RAP1GDS1: variants seen among roughly 807,000 people sequenced by gnomAD.
The protein encoded by RAP1GDS1 is RAP1, GTP-GDP dissociation stimulator 1.
Under a neutral mutation model 71.1 loss-of-function variants are expected in RAP1GDS1, and 35 were observed. The observed-to-expected ratio is 0.49, with a 90% CI of 0.38 to 0.65. RAP1GDS1 has a LOEUF of 0.65. Among genes scored for constraint, RAP1GDS1 ranks in the 30% least tolerant of loss-of-function variants. RAP1GDS1 has a pLI of 0.00. For missense variants in RAP1GDS1, 663 were observed against 706.1 expected, an observed-to-expected ratio of 0.94 and a Z score of 0.69; for synonymous variants, 229 against 243.1, an observed-to-expected ratio of 0.94 and a Z score of 0.54.
intron 2 of RAP1GDS1, among the ~76,000 whole-genome samples, chr4:98,325,722 T>C (rs1164018710): frequency 2.2e-5 from 3 of 136,696 alleles, no homozygotes; most frequent in Admixed American, 8.3e-5. Flanking sequence ...AATTGAACAA[T>C]GAGATCACAT....
intron 2 of RAP1GDS1, among the ~76,000 whole-genome samples, chr4:98,299,732 T>C (rs1197487855): frequency 1.3e-5 from 2 of 151,812 alleles, no homozygotes; most frequent in African/African-American, 2.4e-5. Context: ...CCTCCCAGGT[T>C]CAAGTGATTC....
chr4:98,332,733 T>C (rs941985387), intron 2 of RAP1GDS1, among the ~76,000 whole-genome samples: 6 of 152,328 alleles, frequency 3.9e-5, no homozygotes, highest in Non-Finnish European at 7.4e-5. Context: ...AGAAGATGGC[T>C]AAGAGATTTT....
At chr4:98,410,623 T>G (rs920256093) in intron 7 of RAP1GDS1, among the ~76,000 whole-genome samples, 22 of 152,060 alleles carry the variant, frequency 1.4e-4, no homozygotes, top group Non-Finnish European at 1.0e-4. Flanking sequence ...AACAGTAGAA[T>G]GAATAAATCA....
At chr4:98,412,671 A>G (rs981283297) in intron 7 of RAP1GDS1, among the ~76,000 whole-genome samples, 2 of 152,186 alleles carry the variant, frequency 1.3e-5, no homozygotes, top group African/African-American at 4.8e-5. Flanking sequence ...CCAGCCCCCA[A>G]TATTTCAATG....
In RAP1GDS1 at chr4:98,442,309, C is replaced by A; in HGVS notation, c.*192C>A. On this transcript the variant is annotated 3_prime_UTR_variant, in exon 15 of 15. Transcript: ENST00000408927. ...ATAGTTAGTGTGATCATGACTTTGT[C>A]AAAGGCAAGTCTCCACCCATAACCG... 1.4e-6 allele frequency: 1 copy of A among 705,724 alleles called. No homozygotes were observed. The highest frequency in any genetic ancestry group is 2.1e-6 in the Non-Finnish European group (1 of 471,072). 43.7% of individuals were successfully genotyped at this position (705,724 alleles called of 1,614,324 possible). A position where few individuals can be genotyped will look rare whatever the true frequency, so the allele number is the denominator to read the frequency against.
In RAP1GDS1 at chr4:98,330,984, C is replaced by A. The variant is rs181504847; in HGVS notation, c.113-12155C>A. ...GAGGTTGTAGCGAGCCGAGATCACG[C>A]CACTGCACTCCAGCCTGGGCAACAT... On this transcript the variant is annotated intron_variant, in intron 2 of 14. Transcript: ENST00000408927. Among the ~76,000 whole-genome samples the A allele has an allele frequency of 7.4e-3, 1,124 of 152,212 alleles. 14 individuals are homozygous for A. The highest frequency in any genetic ancestry group is 0.026 in the African/African-American group (1,063 of 41,530).
At chr4:98,436,228 C>G (rs1370794614) in intron 13 of RAP1GDS1, among the ~76,000 whole-genome samples, 2 of 152,072 alleles carry the variant, frequency 1.3e-5, no homozygotes, top group African/African-American at 4.8e-5. Context: ...TGTCAAAAGT[C>G]AGTTGAGCAT....
rs374053448 is a variant in RAP1GDS1, at chr4:98,274,434, A to T, written c.4+12865A>T. On this transcript the variant is annotated intron_variant, in intron 1 of 14. Coordinates refer to ENST00000408927, the MANE Select transcript of RAP1GDS1 (RefSeq NM_001100427.2). ...TGGTTCAGTGATACATGATAAATTA[A>T]TGTTTTCCCTACTGGTTCAATGATA... 7.2e-5 allele frequency among the ~76,000 whole-genome samples: 11 copies of T among 152,304 alleles called. No individual in the cohort carries two copies. The East Asian group carries it at 1.7e-3, about 24-fold the overall frequency.
At chr4:98,290,314 T>C (rs1424344649) in intron 1 of RAP1GDS1, among the ~76,000 whole-genome samples, 2 of 152,128 alleles carry the variant, frequency 1.3e-5, no homozygotes, top group East Asian at 3.8e-4. Flanking sequence ...CATGACTTCC[T>C]AGTTTAACAT....
At chr4:98,363,708 T>G (rs1739086969) in intron 4 of RAP1GDS1, among the ~76,000 whole-genome samples, 1 of 152,074 alleles carries the variant, frequency 6.6e-6, no homozygotes, top group African/African-American at 2.4e-5. Flanking sequence ...TGATCTGATT[T>G]GGATTCTAAA....
chr4:98,389,119 T>C (rs1341951490), intron 5 of RAP1GDS1, among the ~76,000 whole-genome samples: 1 of 151,838 alleles, frequency 6.6e-6, no homozygotes, highest in African/African-American at 2.4e-5. Context: ...TTTCGTACCA[T>C]TGGTACAAAT....
chr4:98,443,012 G>A lies in RAP1GDS1; in HGVS notation c.*895G>A, dbSNP rs1228911858. ...AATTGAGTATAGTTCATTGAAGAAT[G>A]GAATTTTTTTTTTTTTTTTTTTTTT... On this transcript the variant is annotated 3_prime_UTR_variant, in exon 15 of 15. Transcript: ENST00000408927. The A allele has an allele frequency of 1.2e-5, 2 of 169,944 alleles. No homozygotes were observed. The highest frequency in any genetic ancestry group is 1.7e-4 in the Admixed American group (2 of 11,678). 10.5% of individuals were successfully genotyped at this position (169,944 alleles called of 1,614,324 possible).
chr4:98,438,590 CTT>C (rs1185496995), intron 14 of RAP1GDS1, among the ~76,000 whole-genome samples: 1 of 62,572 alleles, frequency 1.6e-5, no homozygotes, highest in Non-Finnish European at 2.8e-5. Flanking sequence ...ATATATATAT[CTT>C]TTTTTTTTTT....
At chr4:98,323,327 G>A (rs1202864841) in intron 2 of RAP1GDS1, among the ~76,000 whole-genome samples, 12 of 144,322 alleles carry the variant, frequency 8.3e-5, no homozygotes, top group Admixed American at 2.0e-4. Flanking sequence ...ATTCGCAGCC[G>A]AATTCTACCA....
At chr4:98,357,076 T>C (rs1738080168) in intron 4 of RAP1GDS1, among the ~76,000 whole-genome samples, 1 of 151,978 alleles carries the variant, frequency 6.6e-6, no homozygotes, top group Admixed American at 6.6e-5. Flanking sequence ...CAGAAAAGTA[T>C]ATATTAATAT....
chr4:98,298,445 C>CT (rs1339391703), intron 2 of RAP1GDS1, among the ~76,000 whole-genome samples: 1 of 152,174 alleles, frequency 6.6e-6, no homozygotes, highest in Non-Finnish European at 1.5e-5. Context: ...CAGCTGGTGA[C>CT]TTTAAGTTGA....
chr4:98,382,221 A>C (rs1199597156), intron 5 of RAP1GDS1, among the ~76,000 whole-genome samples: 1 of 151,616 alleles, frequency 6.6e-6, no homozygotes, highest in Non-Finnish European at 1.5e-5. Flanking sequence ...ATACTCAGGT[A>C]AGTGTAGAAT....
At chr4:98,309,895 A>C (rs1482980914) in intron 2 of RAP1GDS1, among the ~76,000 whole-genome samples, 8 of 151,894 alleles carry the variant, frequency 5.3e-5, no homozygotes, top group African/African-American at 1.9e-4. Flanking sequence ...ATACATATAT[A>C]TATAATGGGT....
intron 7 of RAP1GDS1, among the ~76,000 whole-genome samples, chr4:98,408,809 TAAAA>T (rs751789137): frequency 6.6e-6 from 1 of 152,102 alleles, no homozygotes; most frequent in African/African-American, 2.4e-5. Context: ...TCTCAGATTT[TAAAA>T]AAAGCTTTTC....
Sources: gnomAD v4.1 joint callset for allele counts (sites outside exome capture counted in the v4.1 genomes callset) on GRCh38, gnomAD v4.1.1 for gene constraint, MANE v1.5 for transcripts, NCBI Gene and HGNC (gene_info 2026-07-23, HGNC 2026-07-21) for gene names.